PAK1: variants seen among roughly 807,000 people sequenced by gnomAD.
PAK1 encodes p21 (RAC1) activated kinase 1, also known as serine/threonine-protein kinase PAK 1.
A neutral mutation model predicts 67.4 loss-of-function variants in PAK1; 29 were observed. That is an observed-to-expected ratio of 0.43 (90% CI 0.32 to 0.59). The LOEUF is 0.59. PAK1 is among the 20% of genes least tolerant of loss of function. The pLI is 0.07. For synonymous variants in PAK1, 223 were observed against 237.4 expected (o/e 0.94, Z 0.56); for missense variants, 337 against 670.7 (o/e 0.50, Z 5.50).
At chr11:77,467,387 C>A (rs117107536) in intron 1 of PAK1, among the ~76,000 whole-genome samples, 4,570 of 152,256 alleles carry the variant, frequency 0.03, 98 homozygotes, top group Non-Finnish European at 0.048. Context: ...AAACTATAAA[C>A]CCAAGGGTAG....
chr11:77,369,438 ACATTT>A (rs1948092921), intron 5 of PAK1, among the ~76,000 whole-genome samples: 1 of 137,770 alleles, frequency 7.3e-6, no homozygotes, highest in Non-Finnish European at 1.5e-5. Flanking sequence ...TAAACCTTAT[ACATTT>A]CTTTTTTTTT....
At chr11:77,521,959 A>G in the PAK1 span, among the ~76,000 whole-genome samples, 4 of 152,346 alleles carry the variant, frequency 2.6e-5, no homozygotes, top group East Asian at 7.7e-4. Context: ...TGAGTCTAGA[A>G]TCTAATGACG....
intron 1 of PAK1, chr11:77,408,359 T>A (rs1411084315): frequency 6.6e-6 from 1 of 151,776 alleles, no homozygotes; most frequent in Middle Eastern, 3.4e-3. Flanking sequence ...TACACACACA[T>A]ACACACGATC....
At chr11:77,479,084 CAAAAA>C (rs757138155), upstream of PAK1, among the ~76,000 whole-genome samples, 1 of 88,732 alleles carries the variant, frequency 1.1e-5, no homozygotes. Context: ...GACTCCGTCT[CAAAAA>C]AAAAAAAAAA....
At chr11:77,502,206 G>A in the PAK1 span, among the ~76,000 whole-genome samples, 1 of 151,922 alleles carries the variant, frequency 6.6e-6, no homozygotes, top group African/African-American at 2.4e-5. Flanking sequence ...TCTTTTTAAA[G>A]TTTTCTTAAT....
intron 14 of PAK1, among the ~76,000 whole-genome samples, chr11:77,326,018 G>T (rs1378526635): frequency 6.6e-6 from 1 of 152,118 alleles, no homozygotes; most frequent in African/African-American, 2.4e-5. Context: ...GCCCTGCCCT[G>T]CCCTGCTCTG....
Position 77,339,804 on chromosome 11 carries a change from C to A in PAK1, c.1116+842G>T, listed in dbSNP as rs556235885. ...TCCTAACTTTTCTACTAGGTTGGTG[C>A]AAAAGCAATTGTGGTTTTGGTATTT... On this transcript the variant is annotated intron_variant, in intron 11 of 14. Coordinates refer to ENST00000356341, the MANE Select transcript of PAK1 (RefSeq NM_002576.5). Among the ~76,000 whole-genome samples the A allele has an allele frequency of 8.6e-5, 13 of 151,938 alleles. No individual in the cohort carries two copies. In the South Asian group the frequency reaches 2.5e-3, roughly 29 times the overall value.
At chr11:77,498,399 G>A in the PAK1 span, among the ~76,000 whole-genome samples, 4 of 152,142 alleles carry the variant, frequency 2.6e-5, no homozygotes, top group Non-Finnish European at 5.9e-5. Flanking sequence ...CACACTTCCA[G>A]TGTGATGTCT....
the PAK1 span, chr11:77,515,046 A>C: frequency 6.6e-6 from 1 of 152,248 alleles, no homozygotes; most frequent in Non-Finnish European, 1.5e-5. Flanking sequence ...AAAGAGCATG[A>C]CATTACCTAA....
intron 1 of PAK1, chr11:77,397,301 A>G (rs561908275): frequency 1.3e-5 from 2 of 152,358 alleles, no homozygotes; most frequent in South Asian, 4.1e-4. Context: ...GAATGACTCT[A>G]TAATAAATGC....
intron 11 of PAK1, among the ~76,000 whole-genome samples, chr11:77,338,732 T>C (rs1466901118): frequency 3.3e-5 from 5 of 152,120 alleles, no homozygotes; most frequent in African/African-American, 1.2e-4. Flanking sequence ...TTCTATTACT[T>C]GGCAATAAAA....
At position 77,323,037 on chromosome 11, in the gene PAK1, T is replaced by C; in HGVS notation, c.*237A>G. 1.3e-6 allele frequency: 1 copy of C among 744,816 alleles called. No homozygotes were observed. 46.1% of individuals were successfully genotyped at this position (744,816 alleles called of 1,614,324 possible). ...CCCTTAATCATAAACCACCCTCATATCCATGAATTGGGAGGAAATTCCTTA... is the reference window on the plus strand; with the variant it reads ...CCCTTAATCATAAACCACCCTCATACCCATGAATTGGGAGGAAATTCCTTA... On this transcript the variant is annotated 3_prime_UTR_variant, in exon 15 of 15. Transcript: ENST00000356341.
intron 14 of PAK1, among the ~76,000 whole-genome samples, chr11:77,328,876 T>C (rs1940715419): frequency 6.6e-6 from 1 of 152,044 alleles, no homozygotes; most frequent in African/African-American, 2.4e-5. Flanking sequence ...ACAAAATTGA[T>C]AGACCGCTAG....
In PAK1 at chr11:77,408,642, C is replaced by T. The variant is rs183963054; in HGVS notation, c.-21-16101G>A. On this transcript the variant is annotated intron_variant, in intron 1 of 14. Transcript: ENST00000356341. The stretch of plus-strand genomic sequence containing the variant: ...CTCATCTCTGCTTTCCCTCTAACTC[C>T]CCCACTTTAAGGACAGTGCTCACAA... 2.2e-4 allele frequency among the ~76,000 whole-genome samples: 34 copies of T among 152,036 alleles called. No individual in the cohort carries two copies. In the East Asian group the frequency reaches 6.6e-3, roughly 29 times the overall value.
the PAK1 span, among the ~76,000 whole-genome samples, chr11:77,490,771 T>C: frequency 6.6e-6 from 1 of 152,234 alleles, no homozygotes; most frequent in East Asian, 1.9e-4. Context: ...ACTTTTCATT[T>C]TGTTCTGTAC....
At chr11:77,364,583 A>AG (rs1024300675) in intron 5 of PAK1, among the ~76,000 whole-genome samples, 1 of 152,154 alleles carries the variant, frequency 6.6e-6, no homozygotes, top group African/African-American at 2.4e-5. Flanking sequence ...TTTTTGGGGG[A>AG]GGGGGCTATC....
intron 1 of PAK1, among the ~76,000 whole-genome samples, chr11:77,394,216 T>C (rs1173918463): frequency 6.6e-6 from 1 of 152,160 alleles, no homozygotes; most frequent in Non-Finnish European, 1.5e-5. Flanking sequence ...AACACAACAG[T>C]GCTTTAGAGA....
chr11:77,515,059 GA>G, the PAK1 span: 2 of 152,198 alleles, frequency 1.3e-5, no homozygotes, highest in Admixed American at 1.3e-4. Context: ...TTACCTAATT[GA>G]ATAGCAATAA....
chr11:77,475,897 C>T (rs1000535417), upstream of PAK1: 1 of 152,188 alleles, frequency 6.6e-6, no homozygotes, highest in East Asian at 1.9e-4. Flanking sequence ...TAAGGCCAGG[C>T]GCGGTGGCTC....
Sources: gnomAD v4.1 joint callset for allele counts (sites outside exome capture counted in the v4.1 genomes callset) on GRCh38, gnomAD v4.1.1 for gene constraint, MANE v1.5 for transcripts, NCBI Gene and HGNC (gene_info 2026-07-23, HGNC 2026-07-21) for gene names.